SRGAP3: variants seen among roughly 807,000 people sequenced by gnomAD.
The protein encoded by SRGAP3 is SLIT-ROBO Rho GTPase-activating protein 3.
Under a neutral mutation model 121.1 loss-of-function variants are expected in SRGAP3, and 39 were observed. The ratio of observed to expected loss-of-function variants is 0.32; its 90% CI spans 0.25 to 0.42. The LOEUF is 0.42. Among genes scored for constraint, SRGAP3 ranks in the 10% least tolerant of loss-of-function variants. SRGAP3 has a pLI of 1.00. For missense variants in SRGAP3, 1,213 were observed against 1,470.6 expected (o/e 0.82, Z 2.86); for synonymous variants, 601 against 570.0 (o/e 1.05, Z -0.77).
At chr3:9,254,971 G>T (rs1954099117) in intron 3 of SRGAP3, among the ~76,000 whole-genome samples, 1 of 147,106 alleles carries the variant, frequency 6.8e-6, no homozygotes. Flanking sequence ...AGAAAGAAAG[G>T]GGAAAGAAAA....
intron 1 of SRGAP3, among the ~76,000 whole-genome samples, chr3:9,187,551 G>A (rs896720398): frequency 4.6e-5 from 7 of 152,200 alleles, no homozygotes; most frequent in Middle Eastern, 3.4e-3. Flanking sequence ...CTCTTCCCCC[G>A]GGAAGAATAG....
chr3:9,344,007 A>G (rs1955838343), intron 1 of SRGAP3, among the ~76,000 whole-genome samples: 1 of 152,232 alleles, frequency 6.6e-6, no homozygotes, highest in Non-Finnish European at 1.5e-5. Context: ...CTGTATCAGT[A>G]ACACTCATTA....
At chr3:9,315,298 C>T (rs1267996083) in intron 3 of SRGAP3, among the ~76,000 whole-genome samples, 2 of 152,224 alleles carry the variant, frequency 1.3e-5, no homozygotes, top group Non-Finnish European at 2.9e-5. Flanking sequence ...TCTCTCCCAC[C>T]AATCCCAGAA....
chr3:9,357,357 T>C (rs2030570720), intron 1 of SRGAP3, among the ~76,000 whole-genome samples: 1 of 152,184 alleles, frequency 6.6e-6, no homozygotes, highest in Admixed American at 6.5e-5. Context: ...AGGTATTTCA[T>C]GTAGGTATTT....
intron 2 of SRGAP3, among the ~76,000 whole-genome samples, chr3:9,123,456 C>A (rs889771016): frequency 6.6e-6 from 1 of 151,784 alleles, no homozygotes; most frequent in Non-Finnish European, 1.5e-5. Context: ...TCTGTAATCC[C>A]AGCACTTTGG....
intron 3 of SRGAP3, among the ~76,000 whole-genome samples, chr3:9,301,926 G>T (rs567435924): frequency 6.6e-6 from 1 of 152,350 alleles, no homozygotes; most frequent in East Asian, 1.9e-4. Context: ...TTGTTACTCT[G>T]AAAGGATATT....
At chr3:9,325,201 C>G (rs756729054) in intron 3 of SRGAP3, among the ~76,000 whole-genome samples, 4 of 151,760 alleles carry the variant, frequency 2.6e-5, no homozygotes, top group Non-Finnish European at 4.4e-5. Flanking sequence ...TTTTAGAGAA[C>G]AGAGAGCACT....
At chr3:8,986,039 C>A (rs1247438309) in intron 21 of SRGAP3, 107 bp from the exon 22 acceptor site, 32 of 1,564,468 alleles carry the variant, frequency 2.0e-5, no homozygotes, top group Non-Finnish European at 2.7e-5. Flanking sequence ...AGAAGCCTCG[C>A]GGCAGGGATG....
chr3:9,158,908 G>A (rs895514011), intron 1 of SRGAP3, among the ~76,000 whole-genome samples: 1 of 152,092 alleles, frequency 6.6e-6, no homozygotes, highest in East Asian at 1.9e-4. Flanking sequence ...CAAATGAAAT[G>A]CCCTCCCACT....
intron 3 of SRGAP3, among the ~76,000 whole-genome samples, chr3:9,285,046 G>C (rs868030423): frequency 1.3e-5 from 2 of 152,172 alleles, no homozygotes; most frequent in African/African-American, 2.4e-5. Flanking sequence ...TACTTGGAAA[G>C]GGAAAAGTAA....
intron 1 of SRGAP3, among the ~76,000 whole-genome samples, chr3:9,212,708 C>T (rs1193833841): frequency 6.6e-6 from 1 of 151,950 alleles, no homozygotes; most frequent in Non-Finnish European, 1.5e-5. Flanking sequence ...AGAGAGACTC[C>T]GTCTCAAAAA....
At chr3:9,151,144 A>T (rs1046180680) in intron 1 of SRGAP3, among the ~76,000 whole-genome samples, 1 of 152,296 alleles carries the variant, frequency 6.6e-6, no homozygotes, top group South Asian at 2.1e-4. Context: ...TGGCAAAGAG[A>T]TTCAAATGGA....
At chr3:9,095,292 T>C (rs1368617422) in intron 3 of SRGAP3, among the ~76,000 whole-genome samples, 1 of 152,068 alleles carries the variant, frequency 6.6e-6, no homozygotes, top group East Asian at 1.9e-4. Context: ...ATATATGAAA[T>C]TAATCAATAT....
At chr3:9,045,488 G>C (rs1945220567) in intron 10 of SRGAP3, among the ~76,000 whole-genome samples, 4 of 152,020 alleles carry the variant, frequency 2.6e-5, no homozygotes, top group Admixed American at 2.6e-4. Flanking sequence ...CAGGAGTTAT[G>C]CCAAAACTAA....
intron 3 of SRGAP3, among the ~76,000 whole-genome samples, chr3:9,090,066 T>C (rs1947685116): frequency 6.6e-6 from 1 of 152,092 alleles, no homozygotes; most frequent in African/African-American, 2.4e-5. Context: ...TCCCATACAT[T>C]TTCATTTTTG....
chr3:9,100,659 G>A (rs1285642350), intron 3 of SRGAP3, among the ~76,000 whole-genome samples: 1 of 152,124 alleles, frequency 6.6e-6, no homozygotes, highest in Non-Finnish European at 1.5e-5. Context: ...AAAACAATTG[G>A]TACAAAAATA....
intron 1 of SRGAP3, among the ~76,000 whole-genome samples, chr3:9,214,123 C>CACACACACACACACACACATGCAT (rs1952537510): frequency 6.6e-6 from 1 of 151,254 alleles, no homozygotes; most frequent in Non-Finnish European, 1.5e-5. Flanking sequence ...CTCCAACACA[C>CACACACACACACACACACATGCAT]ACACACACAC....
chr3:9,026,762 C>A (rs538344371), intron 13 of SRGAP3, among the ~76,000 whole-genome samples, 173 bp downstream of exon 13: 18 of 152,328 alleles, frequency 1.2e-4, no homozygotes, highest in Admixed American at 3.9e-4. Context: ...CCTCAACACA[C>A]AGGCTCAAAA....
At chr3:9,337,995 T>C (rs1955719953) in intron 1 of SRGAP3, among the ~76,000 whole-genome samples, 3 of 152,224 alleles carry the variant, frequency 2.0e-5, no homozygotes, top group Admixed American at 2.0e-4. Flanking sequence ...TCACATAACA[T>C]ACTTTGGGAA....
Sources: allele counts gnomAD v4.1 joint callset (sites outside exome capture counted in the v4.1 genomes callset), GRCh38; gene constraint gnomAD v4.1.1; transcripts MANE v1.5; gene names NCBI Gene and HGNC (gene_info 2026-07-23, HGNC 2026-07-21).